ZNF385B: variants seen among roughly 807,000 people sequenced by gnomAD.
The protein encoded by ZNF385B is zinc finger protein 533.
In ZNF385B, 23 loss-of-function variants were observed where a neutral mutation model predicts 39.2. The ratio of observed to expected loss-of-function variants is 0.59; its 90% CI spans 0.42 to 0.83. The LOEUF is 0.83. Ranked by LOEUF, ZNF385B falls within the 40% of genes least tolerant of loss-of-function variation. The pLI, the probability that ZNF385B is intolerant of heterozygous loss-of-function variation, is 0.00. For missense variants in ZNF385B, 552 were observed against 598.9 expected (o/e 0.92, Z 0.82); for synonymous variants, 205 against 222.6 (o/e 0.92, Z 0.70).
At chr2:179,694,351 CTTTTT>C (rs61002544) in intron 3 of ZNF385B, among the ~76,000 whole-genome samples, 1 of 141,894 alleles carries the variant, frequency 7.0e-6, no homozygotes, top group Non-Finnish European at 1.5e-5. Context: ...CTGCATTAAG[CTTTTT>C]TTTTTTTTTT....
chr2:179,534,415 T>G (rs2059435137), intron 4 of ZNF385B, among the ~76,000 whole-genome samples: 1 of 152,210 alleles, frequency 6.6e-6, no homozygotes, highest in African/African-American at 2.4e-5. Flanking sequence ...TTTATAGGTA[T>G]TTTAAGTTAT....
chr2:179,669,063 A>G (rs1375365344), intron 3 of ZNF385B, among the ~76,000 whole-genome samples: 1 of 152,256 alleles, frequency 6.6e-6, no homozygotes, highest in Non-Finnish European at 1.5e-5. Context: ...GAGCATATTT[A>G]TATTTAGTTG....
chr2:179,719,427 C>G (rs1423518913), intron 3 of ZNF385B, among the ~76,000 whole-genome samples: 1 of 152,200 alleles, frequency 6.6e-6, no homozygotes, highest in Non-Finnish European at 1.5e-5. Flanking sequence ...ATCATGCTCC[C>G]TCTTTGTAAG....
rs79792918 is a variant in ZNF385B at position 179,656,679 on chromosome 2, T to C, written c.299-111710A>G. ...TGTTTCTCAACCTTTTTATTCATTG[T>C]TGCTCTCCTAAGGGACCTTCTTAGA... On this transcript the variant is annotated intron_variant, in intron 3 of 9. Coordinates refer to ENST00000410066, the MANE Select transcript of ZNF385B (RefSeq NM_152520.6). Among the ~76,000 whole-genome samples the C allele has an allele frequency of 9.1e-3, 1,379 of 152,320 alleles. 15 individuals are homozygous for C. Among genetic ancestry groups the C allele is most frequent in the African/African-American group, 0.031 (1,300 of 41,574 alleles).
chr2:179,665,851 T>C (rs900929608), intron 3 of ZNF385B, among the ~76,000 whole-genome samples: 2 of 152,066 alleles, frequency 1.3e-5, no homozygotes, highest in African/African-American at 4.8e-5. Context: ...AATCTCTACC[T>C]GCTCAATGTA....
intron 3 of ZNF385B, among the ~76,000 whole-genome samples, chr2:179,636,619 C>A (rs1370760318): frequency 6.6e-6 from 1 of 152,208 alleles, no homozygotes; most frequent in Non-Finnish European, 1.5e-5. Context: ...AGAACCCATA[C>A]AAGTGAGGGC....
intron 1 of ZNF385B, among the ~76,000 whole-genome samples, chr2:179,847,814 A>G (rs1346890049): frequency 1.3e-5 from 2 of 152,230 alleles, no homozygotes; most frequent in African/African-American, 4.8e-5. Context: ...TCAGAAAAGA[A>G]TAAGTGAAAT....
chr2:179,444,836 G>C (rs763216067), intron 9 of ZNF385B, 40 bp downstream of exon 9: 3 of 1,563,158 alleles, frequency 1.9e-6, no homozygotes, highest in African/African-American at 2.7e-5. Flanking sequence ...ACCCAGCAAG[G>C]CTGCCCCACA....
intron 3 of ZNF385B, among the ~76,000 whole-genome samples, chr2:179,603,336 A>C (rs886470464): frequency 6.6e-6 from 1 of 152,202 alleles, no homozygotes; most frequent in African/African-American, 2.4e-5. Flanking sequence ...AGCAGAGTGC[A>C]CACACTCAAT....
At chr2:179,662,764 C>A (rs1694644737) in intron 3 of ZNF385B, among the ~76,000 whole-genome samples, 1 of 152,118 alleles carries the variant, frequency 6.6e-6, no homozygotes, top group Non-Finnish European at 1.5e-5. Context: ...TTCCATTCCA[C>A]TAATATTTGC....
At position 179,743,914 on chromosome 2, in the gene ZNF385B, C is replaced by T. The variant is rs79370070; in HGVS notation, c.298+25589G>A. Among the ~76,000 whole-genome samples, 1,175 of 152,110 alleles carry T rather than the reference C, an allele frequency of 7.7e-3. 20 individuals are homozygous for T. The highest frequency in any genetic ancestry group is 0.026 in the African/African-American group (1,072 of 41,482). On this transcript the variant is annotated intron_variant, in intron 3 of 9. Transcript: ENST00000410066. ...GTTTTAATTTCATTATTTAACTCGC[C>T]GTACTCATAGCACATACACGTACAA...
chr2:179,709,869 T>C (rs1699876959), intron 3 of ZNF385B, among the ~76,000 whole-genome samples: 1 of 152,150 alleles, frequency 6.6e-6, no homozygotes, highest in Non-Finnish European at 1.5e-5. Context: ...ACAGAGCTAC[T>C]GCAGGCATAT....
intron 3 of ZNF385B, among the ~76,000 whole-genome samples, chr2:179,563,018 C>G (rs1211315554): frequency 1.3e-5 from 2 of 152,060 alleles, no homozygotes; most frequent in African/African-American, 4.8e-5. Context: ...TTTCCTTTCC[C>G]ATGGATTTTT....
At chr2:179,522,230 T>C (rs566124593) in intron 4 of ZNF385B, among the ~76,000 whole-genome samples, 3 of 152,284 alleles carry the variant, frequency 2.0e-5, no homozygotes, top group African/African-American at 7.2e-5. Context: ...TCAGATACCT[T>C]TTTAAAAAGT....
intron 1 of ZNF385B, among the ~76,000 whole-genome samples, chr2:179,830,211 A>G (rs1707907775): frequency 6.6e-6 from 1 of 152,246 alleles, no homozygotes; most frequent in Admixed American, 6.5e-5. Flanking sequence ...TAGGATGGCT[A>G]AAAAACTGAC....
intron 3 of ZNF385B, among the ~76,000 whole-genome samples, chr2:179,558,250 A>C (rs557932156): frequency 6.6e-6 from 1 of 152,216 alleles, no homozygotes; most frequent in East Asian, 1.9e-4. Flanking sequence ...GGATACAGCA[A>C]CTCTGAGGTC....
intron 6 of ZNF385B, among the ~76,000 whole-genome samples, chr2:179,462,103 A>G (rs943373030): frequency 6.6e-6 from 1 of 152,190 alleles, no homozygotes; most frequent in African/African-American, 2.4e-5. Flanking sequence ...CACTAAACAG[A>G]GGCATGCAGT....
rs550955649 is a variant in ZNF385B at position 179,861,015 on chromosome 2, T to A, written c.-155+86A>T. The A allele has an allele frequency of 8.4e-3, 1,407 of 167,300 alleles. 12 individuals carry two copies. The highest frequency in any genetic ancestry group is 0.013 in the Non-Finnish European group (894 of 69,120). 10.4% of individuals were successfully genotyped at this position (167,300 alleles called of 1,614,324 possible). ...TCGGGCGGCGCGCCCAGGTGCAGGC[T>A]CGCTCTGCGGAGGAGGGCGGGGGCC... On this transcript the variant is annotated intron_variant, in intron 1 of 9. Coordinates refer to ENST00000410066, the MANE Select transcript of ZNF385B (RefSeq NM_152520.6).
chr2:179,784,732 G>A (rs909484056), intron 1 of ZNF385B, among the ~76,000 whole-genome samples: 1 of 151,988 alleles, frequency 6.6e-6, no homozygotes. Context: ...GCAAATTAAA[G>A]CCACAATGTG....
Sources: gnomAD v4.1 joint callset for allele counts (sites outside exome capture counted in the v4.1 genomes callset) on GRCh38, gnomAD v4.1.1 for gene constraint, MANE v1.5 for transcripts, NCBI Gene and HGNC (gene_info 2026-07-23, HGNC 2026-07-21) for gene names.